The following RTL4 variants were observed in gnomAD, a reference collection of about 807,000 sequenced individuals.
The protein encoded by RTL4 is retrotransposon Gag-like protein 4.
In RTL4, 4 loss-of-function variants were observed where a neutral mutation model predicts 5.3. That is an observed-to-expected ratio of 0.75 (90% CI 0.37 to 1.72). The LOEUF (loss-of-function observed/expected upper bound fraction) is 1.72, where lower values mean the gene tolerates loss of function less well. Ranked by LOEUF, RTL4 falls within the 40% of genes most tolerant of loss-of-function variation. The pLI is 0.04. For missense variants in RTL4, 260 were observed against 227.1 expected (o/e 1.14, Z -0.93); for synonymous variants, 98 against 87.3 (o/e 1.12, Z -0.68).
the RTL4 span, among the ~76,000 whole-genome samples, chrX:112,262,424 C>G: frequency 8.9e-6 from 1 of 112,228 alleles, no homozygotes; most frequent in Non-Finnish European, 1.9e-5. Flanking sequence ...ATTTATGCAG[C>G]CAACAGACAC....
chrX:112,206,542 G>A, the RTL4 span, among the ~76,000 whole-genome samples: 1 of 111,333 alleles, frequency 9.0e-6, no homozygotes, highest in Non-Finnish European at 1.9e-5. Context: ...CTATCTGACA[G>A]TGTTTCCTCT....
At chrX:112,425,035 A>G in the RTL4 span, among the ~76,000 whole-genome samples, 4 of 111,127 alleles carry the variant, frequency 3.6e-5, no homozygotes, top group Non-Finnish European at 7.6e-5. Context: ...TTGTTGTACT[A>G]TTGTACAGTA....
At chrX:112,140,142 T>G in the RTL4 span, among the ~76,000 whole-genome samples, 3 of 112,100 alleles carry the variant, frequency 2.7e-5, no homozygotes, top group Non-Finnish European at 5.6e-5. Context: ...ATTGAAAGCT[T>G]TTTCAGGTTG....
chrX:112,374,643 G>GT, the RTL4 span, among the ~76,000 whole-genome samples: 1 of 112,003 alleles, frequency 8.9e-6, no homozygotes, highest in Non-Finnish European at 1.9e-5. Context: ...GTTTATTTAA[G>GT]TTTTTTGAAT....
At chrX:112,178,080 T>G in the RTL4 span, among the ~76,000 whole-genome samples, 1 of 111,423 alleles carries the variant, frequency 9.0e-6, no homozygotes, top group Non-Finnish European at 1.9e-5. Context: ...CTCTAACATG[T>G]CTACTTCATA....
chrX:112,091,415 C>G, the RTL4 span, among the ~76,000 whole-genome samples: 1 of 111,758 alleles, frequency 8.9e-6, no homozygotes, highest in Non-Finnish European at 1.9e-5. Flanking sequence ...CACTGTATCA[C>G]ATAAGTTTGG....
the RTL4 span, among the ~76,000 whole-genome samples, chrX:112,158,424 TTC>T: frequency 9.2e-6 from 1 of 109,145 alleles, no homozygotes; most frequent in Admixed American, 9.8e-5. Flanking sequence ...TGTTTTGGTG[TTC>T]TCTCTCTCTC....
chrX:112,117,723 G>A, the RTL4 span, among the ~76,000 whole-genome samples: 1,465 of 111,808 alleles, frequency 0.013, 39 homozygotes, highest in African/African-American at 0.045. Flanking sequence ...TGTACAATTA[G>A]TGGGTAATAA....
chrX:112,267,411 A>C, the RTL4 span, among the ~76,000 whole-genome samples: 2 of 110,972 alleles, frequency 1.8e-5, no homozygotes, highest in Non-Finnish European at 3.8e-5. Flanking sequence ...AAGAGTCCTC[A>C]CTCTCTGGTT....
the RTL4 span, among the ~76,000 whole-genome samples, chrX:112,094,979 T>TG: frequency 5.4e-5 from 6 of 111,376 alleles, no homozygotes; most frequent in South Asian, 2.3e-3. Flanking sequence ...CAAGAGAGGT[T>TG]GGGTTTTCTT....
At chrX:112,272,204 TA>T in the RTL4 span, among the ~76,000 whole-genome samples, 1 of 112,533 alleles carries the variant, frequency 8.9e-6, no homozygotes, top group African/African-American at 3.2e-5. Context: ...ATTGAACAAT[TA>T]AAAATTGTGG....
the RTL4 span, among the ~76,000 whole-genome samples, chrX:112,173,352 A>T: frequency 5.4e-5 from 6 of 111,225 alleles, no homozygotes; most frequent in Admixed American, 2.9e-4. Flanking sequence ...AAGACTCTCT[A>T]GTGTGGTTGT....
At chrX:112,373,685 A>AAT in the RTL4 span, among the ~76,000 whole-genome samples, 33,034 of 104,475 alleles carry the variant, frequency 0.32, 5,482 homozygotes, top group African/African-American at 0.61. Context: ...TGAATTTTGA[A>AAT]ATATATATAT....
the RTL4 span, among the ~76,000 whole-genome samples, chrX:112,145,647 TAAA>T: frequency 9.0e-6 from 1 of 111,400 alleles, no homozygotes; most frequent in Non-Finnish European, 1.9e-5. Context: ...TGTAAACAAG[TAAA>T]AAAAGTGTCT....
chrX:112,330,767 C>A, the RTL4 span, among the ~76,000 whole-genome samples: 1 of 111,387 alleles, frequency 9.0e-6, no homozygotes, highest in Non-Finnish European at 1.9e-5. Flanking sequence ...TACTACAAGG[C>A]TACAGTAACC....
At chrX:112,273,857 G>T in the RTL4 span, among the ~76,000 whole-genome samples, 1 of 111,639 alleles carries the variant, frequency 9.0e-6, no homozygotes, top group Non-Finnish European at 1.9e-5. Flanking sequence ...TTGTTATGAG[G>T]GTTACATAAG....
the RTL4 span, among the ~76,000 whole-genome samples, chrX:112,191,192 G>A: frequency 3.0e-4 from 34 of 111,516 alleles, no homozygotes; most frequent in Non-Finnish European, 4.1e-4. Context: ...GCTTCTTCTC[G>A]AAGTTCCCCA....
the RTL4 span, among the ~76,000 whole-genome samples, chrX:112,414,869 G>A: frequency 0.084 from 9,365 of 110,851 alleles, 339 homozygotes; most frequent in African/African-American, 0.13. Context: ...TAGATATAAA[G>A]CCCTTTCCAC....
At chrX:112,154,756 T>A in the RTL4 span, among the ~76,000 whole-genome samples, 1 of 111,810 alleles carries the variant, frequency 8.9e-6, no homozygotes, top group Non-Finnish European at 1.9e-5. Flanking sequence ...TGCTTTCAAA[T>A]GAAGAACCAC....
Sources: allele counts gnomAD v4.1 joint callset (sites outside exome capture counted in the v4.1 genomes callset), GRCh38; gene constraint gnomAD v4.1.1; transcripts MANE v1.5; gene names NCBI Gene and HGNC (gene_info 2026-07-23, HGNC 2026-07-21).